EPHA3: variants seen among roughly 807,000 people sequenced by gnomAD.
EPHA3 encodes ephrin type-A receptor 3.
Under a neutral mutation model 107.1 loss-of-function variants are expected in EPHA3, and 42 were observed. The observed-to-expected ratio is 0.39, with a 90% CI of 0.31 to 0.51. EPHA3 has a LOEUF of 0.51. Ranked by LOEUF, EPHA3 falls within the 20% of genes least tolerant of loss-of-function variation. The pLI is 0.78. For missense variants in EPHA3, 1,183 were observed against 1,211.2 expected, an observed-to-expected ratio of 0.98 and a Z score of 0.35; for synonymous variants, 461 against 424.8, an observed-to-expected ratio of 1.09 and a Z score of -1.05.
chr3:89,195,384 T>C lies in EPHA3; in HGVS notation c.154-14476T>C, dbSNP rs1461721502. ...CAGCTAACAGATTTAGGGGAAGTTATTGAACCCCCTCCTAAGCTTCATTTT... is the reference window on the plus strand; with the variant it reads ...CAGCTAACAGATTTAGGGGAAGTTACTGAACCCCCTCCTAAGCTTCATTTT... On this transcript the variant is annotated intron_variant, in intron 2 of 16. Transcript: ENST00000336596. Among the ~76,000 whole-genome samples the C allele has an allele frequency of 3.9e-5, 6 of 152,108 alleles. No homozygotes were observed. The East Asian group carries it at 1.2e-3, about 29-fold the overall frequency.
chr3:89,466,793 C>G (rs1321256871), intron 15 of EPHA3, among the ~76,000 whole-genome samples: 1 of 134,774 alleles, frequency 7.4e-6, no homozygotes, highest in Non-Finnish European at 1.6e-5. Context: ...CCGTCTTATG[C>G]GTCGCTCACG....
chr3:89,222,471 A>G (rs1157335981), intron 3 of EPHA3, among the ~76,000 whole-genome samples: 1 of 148,566 alleles, frequency 6.7e-6, no homozygotes. Flanking sequence ...ATGTATATAG[A>G]CATAAAATGC....
intron 3 of EPHA3, among the ~76,000 whole-genome samples, chr3:89,331,059 A>G (rs1707274256): frequency 6.6e-6 from 1 of 152,132 alleles, no homozygotes; most frequent in Non-Finnish European, 1.5e-5. Context: ...GTGTGTAGAC[A>G]GAGTGAGAGA....
intron 2 of EPHA3, among the ~76,000 whole-genome samples, chr3:89,174,757 G>T (rs1482121927): frequency 6.6e-6 from 1 of 151,784 alleles, no homozygotes; most frequent in Admixed American, 6.6e-5. Context: ...TATGATATTT[G>T]CCAGGTGATA....
At chr3:89,278,058 T>C (rs752099603) in intron 3 of EPHA3, among the ~76,000 whole-genome samples, 4 of 152,206 alleles carry the variant, frequency 2.6e-5, no homozygotes, top group Non-Finnish European at 5.9e-5. Flanking sequence ...GGTTTATACT[T>C]TCTGCAAGTT....
intron 1 of EPHA3, among the ~76,000 whole-genome samples, chr3:89,120,439 A>C (rs1379681210): frequency 1.3e-5 from 2 of 152,238 alleles, no homozygotes; most frequent in Admixed American, 1.3e-4. Flanking sequence ...GCAGTAGAGC[A>C]TCACAACTCA....
chr3:89,270,151 A>G (rs1222669096), intron 3 of EPHA3, among the ~76,000 whole-genome samples: 1 of 152,072 alleles, frequency 6.6e-6, no homozygotes, highest in Non-Finnish European at 1.5e-5. Context: ...TAATTATTAT[A>G]TAAAAGATTC....
chr3:89,392,436 C>CTAA (rs780381965), intron 5 of EPHA3, among the ~76,000 whole-genome samples: 2,367 of 146,744 alleles, frequency 0.016, 62 homozygotes, highest in African/African-American at 0.056. Context: ...GAAACTCCAT[C>CTAA]GAAAAAAAAA....
chr3:89,448,006 T>A (rs1425377231), intron 13 of EPHA3, among the ~76,000 whole-genome samples: 6 of 152,154 alleles, frequency 3.9e-5, no homozygotes, highest in African/African-American at 2.4e-5. Context: ...GAAATATCCA[T>A]CCCTTTTTTC....
At chr3:89,206,711 A>G (rs1242203673) in intron 2 of EPHA3, among the ~76,000 whole-genome samples, 1 of 152,192 alleles carries the variant, frequency 6.6e-6, no homozygotes, top group Non-Finnish European at 1.5e-5. Flanking sequence ...GTATTATTAT[A>G]GGCACCTCAA....
chr3:89,438,865 A>G (rs1709725484), intron 13 of EPHA3, among the ~76,000 whole-genome samples: 1 of 152,246 alleles, frequency 6.6e-6, no homozygotes, highest in Non-Finnish European at 1.5e-5. Context: ...TTAATGTTGA[A>G]TCGACACTTA....
chr3:89,382,486 C>T (rs1214908553), intron 5 of EPHA3, among the ~76,000 whole-genome samples: 1 of 133,750 alleles, frequency 7.5e-6, no homozygotes, highest in Non-Finnish European at 1.6e-5. Flanking sequence ...CCAACCTGGG[C>T]AACAGAGCAA....
At position 89,328,479 on chromosome 3, in the gene EPHA3, A is replaced by G. The variant is rs1212268097; in HGVS notation, c.815-12437A>G. 2.6e-5 allele frequency among the ~76,000 whole-genome samples: 4 copies of G among 152,164 alleles called. No individual in the cohort carries two copies. In the South Asian group the frequency reaches 6.2e-4, roughly 24 times the overall value. On this transcript the variant is annotated intron_variant, in intron 3 of 16. Coordinates refer to ENST00000336596, the MANE Select transcript of EPHA3 (RefSeq NM_005233.6). ...TCACTGGAAAGAGATAAGGTAATCA[A>G]TTTCCCTGTGTGCCTTGGAAGATGT...
At chr3:89,400,865 T>A (rs1332855256) in intron 7 of EPHA3, among the ~76,000 whole-genome samples, 1 of 152,060 alleles carries the variant, frequency 6.6e-6, no homozygotes, top group Non-Finnish European at 1.5e-5. Flanking sequence ...TTCACTGTTG[T>A]AAGGTAGCCT....
intron 1 of EPHA3, among the ~76,000 whole-genome samples, chr3:89,120,791 A>C (rs1707359953): frequency 6.6e-6 from 1 of 152,226 alleles, no homozygotes. Flanking sequence ...TAAGATCTTT[A>C]TAGAAATAAA....
At chr3:89,232,861 A>G (rs1198575183) in intron 3 of EPHA3, among the ~76,000 whole-genome samples, 1 of 152,208 alleles carries the variant, frequency 6.6e-6, no homozygotes, top group Non-Finnish European at 1.5e-5. Context: ...TTGTACCAAA[A>G]TTAGAAAGAT....
At chr3:89,335,546 A>G (rs1271604883) in intron 3 of EPHA3, among the ~76,000 whole-genome samples, 1 of 152,226 alleles carries the variant, frequency 6.6e-6, no homozygotes, top group Non-Finnish European at 1.5e-5. Context: ...TTATGTGAAC[A>G]AATACAATTC....
chr3:89,355,147 A>G lies in EPHA3; in HGVS notation c.1306+13057A>G, dbSNP rs188803015. ...AAAAAAAAAATCTGTCTCTGGTCAC[A>G]AGTTTTTCCTAGGAAATAGCTTTAA... On this transcript the variant is annotated intron_variant, in intron 5 of 16. Coordinates refer to ENST00000336596, the MANE Select transcript of EPHA3 (RefSeq NM_005233.6). Among the ~76,000 whole-genome samples the G allele has an allele frequency of 2.2e-3, 338 of 151,284 alleles. 17 individuals are homozygous for G. The highest frequency in any genetic ancestry group is 4.2e-3 in the Non-Finnish European group (284 of 67,508).
chr3:89,161,241 A>AT (rs1704934017), intron 2 of EPHA3, among the ~76,000 whole-genome samples: 2 of 152,200 alleles, frequency 1.3e-5, no homozygotes, highest in Admixed American at 6.5e-5. Context: ...TTGAATGGGT[A>AT]ACACATTCAC....
Sources: gnomAD v4.1 joint callset for allele counts (sites outside exome capture counted in the v4.1 genomes callset) on GRCh38, gnomAD v4.1.1 for gene constraint, MANE v1.5 for transcripts, NCBI Gene and HGNC (gene_info 2026-07-23, HGNC 2026-07-21) for gene names.